The following ATG5 variants were observed in gnomAD, a reference collection of about 807,000 sequenced individuals.
The protein encoded by ATG5 is autophagy related 5, also known as autophagy protein 5.
A neutral mutation model predicts 36.5 loss-of-function variants in ATG5; 14 were observed. The ratio of observed to expected loss-of-function variants is 0.38; its 90% CI spans 0.25 to 0.60. The LOEUF (loss-of-function observed/expected upper bound fraction) is 0.60, where lower values mean the gene tolerates loss of function less well. Ranked by LOEUF, ATG5 falls within the 20% of genes least tolerant of loss-of-function variation. The pLI is 0.60. For synonymous variants in ATG5, 95 were observed against 101.5 expected (o/e 0.94, Z 0.38); for missense variants, 195 against 326.7 (o/e 0.60, Z 3.11).
chr6:106,214,565 T>C (rs1434342861), intron 6 of ATG5, among the ~76,000 whole-genome samples: 1 of 152,158 alleles, frequency 6.6e-6, no homozygotes, highest in Non-Finnish European at 1.5e-5. Flanking sequence ...AAAGCATCCA[T>C]CAGAATTATA....
chr6:106,323,785 T>G (rs1771192752), intron 1 of ATG5, among the ~76,000 whole-genome samples: 1 of 152,204 alleles, frequency 6.6e-6, no homozygotes, highest in African/African-American at 2.4e-5. Context: ...ACAAGTTAGA[T>G]CAACTCACTG....
intron 4 of ATG5, among the ~76,000 whole-genome samples, chr6:106,287,986 T>C (rs1025941518): frequency 6.6e-6 from 1 of 151,926 alleles, no homozygotes; most frequent in Admixed American, 6.6e-5. Context: ...TTTTTTTTTT[T>C]TTTTAGATGG....
chr6:106,222,203 T>C (rs1777279283), intron 6 of ATG5, among the ~76,000 whole-genome samples: 1 of 152,146 alleles, frequency 6.6e-6, no homozygotes, highest in Non-Finnish European at 1.5e-5. Context: ...AAGAATTTAT[T>C]TGTGGAGAGA....
chr6:106,227,100 A>G (rs942575828), intron 6 of ATG5, among the ~76,000 whole-genome samples: 5 of 152,206 alleles, frequency 3.3e-5, no homozygotes, highest in Admixed American at 2.0e-4. Context: ...CACATCCAAG[A>G]AGATAAACAA....
At chr6:106,254,104 C>CA (rs1778705761) in intron 5 of ATG5, among the ~76,000 whole-genome samples, 1 of 152,100 alleles carries the variant, frequency 6.6e-6, no homozygotes, top group Admixed American at 6.6e-5. Context: ...TAGTAAATAC[C>CA]AAACTTGCTC....
intron 3 of ATG5, among the ~76,000 whole-genome samples, chr6:106,295,128 C>A (rs1339916367): frequency 5.3e-5 from 8 of 151,960 alleles, no homozygotes; most frequent in Non-Finnish European, 5.9e-5. Context: ...TAATCCAATT[C>A]TGATCCTTCT....
intron 6 of ATG5, among the ~76,000 whole-genome samples, chr6:106,221,110 C>T (rs1485952619): frequency 6.6e-6 from 1 of 152,122 alleles, no homozygotes; most frequent in African/African-American, 2.4e-5. Flanking sequence ...AAAGCAGCAG[C>T]AAGGTTCTAA....
intron 6 of ATG5, among the ~76,000 whole-genome samples, chr6:106,211,004 CTA>C (rs1582554424): frequency 6.6e-6 from 1 of 152,170 alleles, no homozygotes; most frequent in East Asian, 1.9e-4. Flanking sequence ...AACCCTGTTA[CTA>C]TGTTATTACT....
At chr6:106,194,580 C>T (rs1445422896) in intron 7 of ATG5, among the ~76,000 whole-genome samples, 3 of 151,322 alleles carry the variant, frequency 2.0e-5, no homozygotes, top group Non-Finnish European at 4.4e-5. Context: ...CTCTTGGTGC[C>T]CAGGCTAGAC....
chr6:106,242,120 A>G (rs1385323725), intron 6 of ATG5, among the ~76,000 whole-genome samples: 3 of 148,784 alleles, frequency 2.0e-5, no homozygotes, highest in African/African-American at 7.5e-5. Flanking sequence ...ATATCTATCT[A>G]TATCTATACA....
In ATG5 at chr6:106,195,413, C is replaced by T. The variant is rs114783816; in HGVS notation, c.691+6559G>A. The stretch of plus-strand genomic sequence containing the variant: ...ATGTTTGACACATCTGACAATACTA[C>T]AGGTGAACTGAACCAGGCAGTAAAC... On this transcript the variant is annotated intron_variant, in intron 7 of 7. Transcript: ENST00000369076. Among the ~76,000 whole-genome samples the T allele has an allele frequency of 6.2e-3, 939 of 152,266 alleles. 8 individuals carry two copies. The highest frequency in any genetic ancestry group is 0.021 in the African/African-American group (873 of 41,542).
intron 4 of ATG5, among the ~76,000 whole-genome samples, chr6:106,287,470 TG>T (rs2114618064): frequency 6.6e-6 from 1 of 152,376 alleles, no homozygotes; most frequent in East Asian, 1.9e-4. Context: ...AGCACTTATC[TG>T]AATGTTGATC....
chr6:106,220,211 T>A (rs1027539479), intron 6 of ATG5, among the ~76,000 whole-genome samples: 1 of 152,196 alleles, frequency 6.6e-6, no homozygotes, highest in African/African-American at 2.4e-5. Flanking sequence ...GCCTAAAGAT[T>A]TCAGGAGTTT....
chr6:106,277,022 G>T (rs1779684232), intron 5 of ATG5, among the ~76,000 whole-genome samples: 1 of 152,104 alleles, frequency 6.6e-6, no homozygotes, highest in Non-Finnish European at 1.5e-5. Flanking sequence ...GTGACTCCAT[G>T]TAACCTAGGT....
intron 4 of ATG5, among the ~76,000 whole-genome samples, chr6:106,280,885 C>G (rs945973497): frequency 6.6e-6 from 1 of 152,116 alleles, no homozygotes; most frequent in East Asian, 1.9e-4. Flanking sequence ...TACAATATCA[C>G]TTCCTCCAAA....
chr6:106,222,582 T>C (rs1250439629), intron 6 of ATG5, among the ~76,000 whole-genome samples: 4 of 152,314 alleles, frequency 2.6e-5, no homozygotes, highest in Middle Eastern at 3.4e-3. Context: ...AAGCCTGATG[T>C]GTGTGAAAAC....
At chr6:106,246,000 T>C (rs148827159) in intron 6 of ATG5, among the ~76,000 whole-genome samples, 4 of 152,148 alleles carry the variant, frequency 2.6e-5, no homozygotes, top group East Asian at 3.9e-4. Context: ...GAATACCAAA[T>C]AGGGAAATAG....
chr6:106,215,621 T>TATTA (rs1489370194), intron 6 of ATG5, among the ~76,000 whole-genome samples: 1 of 151,978 alleles, frequency 6.6e-6, no homozygotes, highest in Non-Finnish European at 1.5e-5. Flanking sequence ...ATTAAAAATA[T>TATTA]ATTAAAAAGG....
At chr6:106,296,223 AAAAG>A (rs1405426920) in intron 3 of ATG5, among the ~76,000 whole-genome samples, 1 of 152,086 alleles carries the variant, frequency 6.6e-6, no homozygotes, top group Non-Finnish European at 1.5e-5. Flanking sequence ...TTTAAAAAAA[AAAAG>A]ATAAAACTTA....
Sources: allele counts gnomAD v4.1 joint callset (sites outside exome capture counted in the v4.1 genomes callset), GRCh38; gene constraint gnomAD v4.1.1; transcripts MANE v1.5; gene names NCBI Gene and HGNC (gene_info 2026-07-23, HGNC 2026-07-21).